KIF13A: variants seen among roughly 807,000 people sequenced by gnomAD.
The protein encoded by KIF13A is kinesin-like protein KIF13A.
Under a neutral mutation model 212.2 loss-of-function variants are expected in KIF13A, and 79 were observed. The observed-to-expected ratio is 0.37, with a 90% CI of 0.31 to 0.45. KIF13A has a LOEUF of 0.45. Ranked by LOEUF, KIF13A falls within the 20% of genes least tolerant of loss-of-function variation. KIF13A has a pLI of 1.00. For missense variants in KIF13A, 1,901 were observed against 2,209.0 expected (o/e 0.86, Z 2.79); for synonymous variants, 789 against 808.6 (o/e 0.98, Z 0.41).
rs2150591346 is a variant in KIF13A at position 17,963,328 on chromosome 6, G to A, written c.146+23726C>T. The stretch of plus-strand genomic sequence containing the variant: ...AGCTACTCGGGAGGCTGACGCAGGA[G>A]AATCACTTGAACCTGGGAGGGAGAG... On this transcript the variant is annotated intron_variant, in intron 2 of 38. Transcript: ENST00000259711. The surrounding 1 kb of genome is among the most constrained non-coding windows in gnomAD (Gnocchi z 4.1). Among the ~76,000 whole-genome samples the A allele has an allele frequency of 6.6e-6, 1 of 152,294 alleles. No individual in the cohort carries two copies. Among genetic ancestry groups the A allele is most frequent in the African/African-American group, 2.4e-5 (1 of 41,552 alleles).
chr6:17,839,160 T>G lies in KIF13A; in HGVS notation c.831-1577A>C, dbSNP rs1183015618. Among the ~76,000 whole-genome samples the G allele has an allele frequency of 6.6e-6, 1 of 152,208 alleles. No homozygotes were observed. The highest frequency in any genetic ancestry group is 1.5e-5 in the Non-Finnish European group (1 of 68,036). On this transcript the variant is annotated intron_variant, in intron 9 of 38. Coordinates refer to ENST00000259711, the MANE Select transcript of KIF13A (RefSeq NM_022113.6). The surrounding 1 kb of genome is among the most constrained non-coding windows in gnomAD (Gnocchi z 4.3). ...TACTTAATGAGTACAATGTATGTTA[T>G]TCAGGTGACGGATACCTTAAAAGCC...
At chr6:17,820,582 C>A (rs1215550943) in intron 16 of KIF13A, among the ~76,000 whole-genome samples, 2 of 152,180 alleles carry the variant, frequency 1.3e-5, no homozygotes, top group Non-Finnish European at 2.9e-5. Flanking sequence ...CTCAAAATAC[C>A]AACCAAATAT....
chr6:17,920,336 G>T (rs1004304794), intron 2 of KIF13A, among the ~76,000 whole-genome samples: 1 of 152,174 alleles, frequency 6.6e-6, no homozygotes, highest in Non-Finnish European at 1.5e-5. Flanking sequence ...GGGAAGGAGA[G>T]AGGATAGGAA....
intron 2 of KIF13A, among the ~76,000 whole-genome samples, chr6:17,976,979 G>A (rs1394925222): frequency 6.6e-6 from 1 of 151,942 alleles, no homozygotes; most frequent in Non-Finnish European, 1.5e-5. Context: ...GCGGGCGCCT[G>A]TAGTACCAGC....
At chr6:17,932,788 C>G (rs1321691334) in intron 2 of KIF13A, among the ~76,000 whole-genome samples, 3 of 140,324 alleles carry the variant, frequency 2.1e-5, no homozygotes, top group African/African-American at 7.8e-5. Flanking sequence ...AGGAGGAAGT[C>G]TGTGAGAATG....
chr6:17,952,196 C>T lies in KIF13A; in HGVS notation c.146+34858G>A, dbSNP rs549330842. On this transcript the variant is annotated intron_variant, in intron 2 of 38. Transcript: ENST00000259711. ...GCAGGCTTCTGTAGTCCCAGCTACT[C>T]GGGAGGCTGAGGCAGGAAGATGGCA... Among the ~76,000 whole-genome samples the T allele has an allele frequency of 4.0e-5, 6 of 150,362 alleles. No homozygotes were observed. In the South Asian group the frequency reaches 6.3e-4, roughly 16 times the overall value.
In KIF13A at chr6:17,856,064, C is replaced by A. The variant is rs368344676; in HGVS notation, c.279G>T (p.Gly93=). The part of the protein sequence containing the change: ...GEGILEKAFQ[G]YNACIFAYGQ... ...CATATGCAAAAATACACGCATTATACCCCTGAAAGGCTTTTTCAAGAATTC... is the reference window on the plus strand; with the variant it reads ...CATATGCAAAAATACACGCATTATAACCCTGAAAGGCTTTTTCAAGAATTC... The change falls in exon 5 of 39, where the codon GGG becomes GGT. Residue 93 remains glycine, a synonymous_variant. Transcript: ENST00000259711. This position sits in a 1 kb window ranked among gnomAD's most constrained non-coding sequence, Gnocchi z 4.5. 5.6e-6 allele frequency: 9 copies of A among 1,613,472 alleles called. No individual in the cohort carries two copies. Among genetic ancestry groups the A allele is most frequent in the African/African-American group, 5.3e-5 (4 of 74,892 alleles).
At position 17,962,667 on chromosome 6, in the gene KIF13A, C is replaced by A. The variant is rs138205018; in HGVS notation, c.146+24387G>T. Reference sequence around the variant, plus strand: ...GAGTCTGGACAACATCCACAGGCACCCGGAGGCAGCTCAACCACAGAGTAC... The same window carrying A: ...GAGTCTGGACAACATCCACAGGCACACGGAGGCAGCTCAACCACAGAGTAC... On this transcript the variant is annotated intron_variant, in intron 2 of 38. Coordinates refer to ENST00000259711, the MANE Select transcript of KIF13A (RefSeq NM_022113.6). Among the ~76,000 whole-genome samples the A allele has an allele frequency of 2.3e-3, 347 of 152,294 alleles. 6 individuals carry two copies. Among genetic ancestry groups the A allele is most frequent in the Admixed American group, 0.016 (248 of 15,304 alleles).
At position 17,764,392 on chromosome 6, in the gene KIF13A, T is replaced by C. The variant is rs376937770; in HGVS notation, c.5136A>G (p.Pro1712=). 91 of 1,613,894 alleles carry C rather than the reference T, an allele frequency of 5.6e-5. 1 individual carries two copies. The African/African-American group carries it at 1.1e-3, about 20-fold the overall frequency. The change falls in exon 39 of 39, where the codon CCA becomes CCG. Residue 1712 remains proline (P), a synonymous_variant. Transcript: ENST00000259711. The surrounding 1 kb of genome is among the most constrained non-coding windows in gnomAD (Gnocchi z 5.1). The part of the protein sequence containing the change: ...LDACPSKISQ[P]ARGFCPREVT... ...CCTCCCTGGGGCAGAATCCCCTGGCTGGCTGGCTAATTTTGCTGGGGCAGG... is the reference window on the plus strand; with the variant it reads ...CCTCCCTGGGGCAGAATCCCCTGGCCGGCTGGCTAATTTTGCTGGGGCAGG...
chr6:17,802,328 G>C (rs909860272), intron 20 of KIF13A, among the ~76,000 whole-genome samples: 1 of 144,224 alleles, frequency 6.9e-6, no homozygotes, highest in African/African-American at 2.6e-5. Flanking sequence ...TTTCGCTCTT[G>C]TTGCCCAGGC....
intron 25 of KIF13A, among the ~76,000 whole-genome samples, chr6:17,793,764 A>G (rs62394107): frequency 0.27 from 41,376 of 151,460 alleles, 5,997 homozygotes; most frequent in South Asian, 0.4. Context: ...AAATAAAAGA[A>G]TCAGCTGGGC....
rs1487744770 is a variant in KIF13A at position 17,872,636 on chromosome 6, G to C, written c.220+741C>G. Among the ~76,000 whole-genome samples the C allele has an allele frequency of 6.6e-6, 1 of 152,040 alleles. No individual in the cohort carries two copies. The highest frequency in any genetic ancestry group is 6.6e-5 in the Admixed American group (1 of 15,260). ...ATATGCAACTTTCATTTGCCAGTTA[G>C]AAAAATAATTTTTTTTTATTTTTTT... On this transcript the variant is annotated intron_variant, in intron 4 of 38. Coordinates refer to ENST00000259711, the MANE Select transcript of KIF13A (RefSeq NM_022113.6). This position sits in a 1 kb window ranked among gnomAD's most constrained non-coding sequence, Gnocchi z 4.7.
intron 38 of KIF13A, chr6:17,770,384 T>TTTTTTTTTTTTG (rs1759393505): frequency 8.8e-6 from 1 of 113,266 alleles, no homozygotes; most frequent in Non-Finnish European, 1.9e-5. Context: ...TTTTTTTTTT[T>TTTTTTTTTTTTG]GTAAATTGAG....
Position 17,800,017 on chromosome 6 carries a change from C to T in KIF13A, c.2551G>A (p.Gly851Arg), listed in dbSNP as rs1561988484. The T allele has an allele frequency of 8.7e-6, 14 of 1,614,030 alleles. No homozygotes were observed. Among genetic ancestry groups the T allele is most frequent in the Non-Finnish European group, 1.1e-5 (13 of 1,179,906 alleles). The part of the protein sequence containing the change: ...DDSSENSSES[G>R]SLEVVDSSGE... ...CTGCTGTCTACGACTTCAAGGCTCC[C>T]ACTTTCACTGGAATTCTCCGAAGAG... Residue 851 changes from glycine to arginine, a missense_variant, in exon 21 of 39, where the codon GGG becomes AGG. Physicochemically the swap from Gly to Arg is moderately radical, Grantham distance 125 (BLOSUM62 -2). Transcript: ENST00000259711.
In KIF13A at chr6:17,855,129, A is replaced by G. The variant is rs1342107172; in HGVS notation, c.494+308T>C. ...CTTAACACATTAGTGCCACTTTCCA[A>G]TGTAAATGGAAGAACTAATGTGTTA... On this transcript the variant is annotated intron_variant, in intron 6 of 38. Coordinates refer to ENST00000259711, the MANE Select transcript of KIF13A (RefSeq NM_022113.6). This position sits in a 1 kb window ranked among gnomAD's most constrained non-coding sequence, Gnocchi z 4.1. Among the ~76,000 whole-genome samples, 1 of 152,142 alleles carries G rather than the reference A, an allele frequency of 6.6e-6. No homozygotes were observed. Among genetic ancestry groups the G allele is most frequent in the African/African-American group, 2.4e-5 (1 of 41,446 alleles).
chr6:17,765,997 G>A lies in KIF13A; in HGVS notation c.4582-1051C>T, dbSNP rs567266692. On this transcript the variant is annotated intron_variant, in intron 38 of 38. Coordinates refer to ENST00000259711, the MANE Select transcript of KIF13A (RefSeq NM_022113.6). ...CTCCCTCAGAGAATTACAACTTTGC[G>A]TCCTTGCTCTTAGAACAATCCTGGA... 2.1e-4 allele frequency among the ~76,000 whole-genome samples: 32 copies of A among 152,262 alleles called. No homozygotes were observed. The South Asian group carries it at 5.4e-3, about 26-fold the overall frequency.
chr6:17,875,085 C>T (rs1455077979), intron 3 of KIF13A, among the ~76,000 whole-genome samples: 21 of 151,506 alleles, frequency 1.4e-4, no homozygotes, highest in Non-Finnish European at 7.4e-5. Context: ...CACGATTTTG[C>T]GATTGTGAAC....
At chr6:17,950,042 G>C (rs1415819642) in intron 2 of KIF13A, among the ~76,000 whole-genome samples, 1 of 151,968 alleles carries the variant, frequency 6.6e-6, no homozygotes, top group East Asian at 1.9e-4. Flanking sequence ...CAATTTACTG[G>C]GCACTCACAA....
At chr6:17,917,023 C>CA (rs1423138384) in intron 2 of KIF13A, among the ~76,000 whole-genome samples, 1,432 of 104,572 alleles carry the variant, frequency 0.014, 11 homozygotes, top group Non-Finnish European at 0.018. Flanking sequence ...GTCAACTTTA[C>CA]AAAAAAAAAA....
Sources: allele counts gnomAD v4.1 joint callset (sites outside exome capture counted in the v4.1 genomes callset), GRCh38; gene constraint gnomAD v4.1.1; non-coding constraint Gnocchi (gnomAD v3.1); transcripts MANE v1.5; gene names NCBI Gene and HGNC (gene_info 2026-07-23, HGNC 2026-07-21).